The following RALYL variants were observed in gnomAD, a reference collection of about 807,000 sequenced individuals.
RALYL encodes the protein RNA-binding Raly-like protein.
Under a neutral mutation model 35.1 loss-of-function variants are expected in RALYL, and 29 were observed. The ratio of observed to expected loss-of-function variants is 0.83; its 90% CI spans 0.61 to 1.13. RALYL has a LOEUF of 1.13. RALYL is among the 50% of genes most tolerant of loss of function. RALYL has a pLI of 0.00. For missense variants in RALYL, 359 were observed against 360.4 expected (o/e 1.00, Z 0.03); for synonymous variants, 120 against 127.6 (o/e 0.94, Z 0.40).
rs71273918 is a variant in RALYL at position 84,907,310 on chromosome 8, T to TCACA, written c.859-13545_859-13542dup. 7.4e-3 allele frequency among the ~76,000 whole-genome samples: 1,092 copies of TCACA among 148,080 alleles called. 18 individuals carry two copies. Among genetic ancestry groups the TCACA allele is most frequent in the African/African-American group, 0.024 (972 of 39,996 alleles). ...AAATCTGAGAAAATAAGATATAGCG[T>TCACA]CACACACACACACACACACACACAC... On this transcript the variant is annotated intron_variant, in intron 8 of 8. Coordinates refer to ENST00000521268, the MANE Select transcript of RALYL (RefSeq NM_173848.7).
chr8:84,424,515 G>C (rs2046098127), intron 1 of RALYL, among the ~76,000 whole-genome samples: 1 of 150,036 alleles, frequency 6.7e-6, no homozygotes, highest in African/African-American at 2.5e-5. Flanking sequence ...ATAGCTCAGA[G>C]TAATTCGATC....
intron 1 of RALYL, among the ~76,000 whole-genome samples, chr8:84,210,292 G>A (rs1164720860): frequency 2.0e-5 from 3 of 151,762 alleles, no homozygotes; most frequent in African/African-American, 4.8e-5. Flanking sequence ...CCGAGCCTCT[G>A]TATTGACAGC....
intron 1 of RALYL, among the ~76,000 whole-genome samples, chr8:84,502,449 ATTT>A (rs2056782602): frequency 6.6e-6 from 1 of 151,930 alleles, no homozygotes; most frequent in Non-Finnish European, 1.5e-5. Flanking sequence ...AAAAACCAAG[ATTT>A]ATACTTAATT....
At chr8:84,650,957 A>C (rs1828667078) in intron 2 of RALYL, among the ~76,000 whole-genome samples, 2 of 152,108 alleles carry the variant, frequency 1.3e-5, no homozygotes, top group South Asian at 4.1e-4. Context: ...CATTCTCAGT[A>C]AACTATCACA....
At chr8:84,325,193 T>C (rs1845579899) in intron 1 of RALYL, among the ~76,000 whole-genome samples, 2 of 152,320 alleles carry the variant, frequency 1.3e-5, no homozygotes, top group Admixed American at 6.5e-5. Context: ...CAACTTGCTC[T>C]CAGATACTGT....
chr8:84,841,169 T>A (rs939276017), intron 4 of RALYL, among the ~76,000 whole-genome samples: 2 of 152,092 alleles, frequency 1.3e-5, no homozygotes, highest in African/African-American at 4.8e-5. Flanking sequence ...AGACACAGAC[T>A]GGCAAATTGG....
chr8:84,353,901 T>G lies in RALYL; in HGVS notation c.-24+169477T>G, dbSNP rs1851366160. The stretch of plus-strand genomic sequence containing the variant: ...AGCCATTATATAACAAAAGGATCAT[T>G]TTGAGTAAGAGATTTTTGACTTTAA... On this transcript the variant is annotated intron_variant, in intron 1 of 8. Coordinates refer to ENST00000521268, the MANE Select transcript of RALYL (RefSeq NM_173848.7). Among the ~76,000 whole-genome samples the G allele has an allele frequency of 1.3e-5, 2 of 150,058 alleles. 1 individual carries two copies. The highest frequency in any genetic ancestry group is 1.3e-4 in the Admixed American group (2 of 15,126).
intron 1 of RALYL, among the ~76,000 whole-genome samples, chr8:84,265,840 A>AT (rs965417760): frequency 6.6e-6 from 1 of 152,058 alleles, no homozygotes; most frequent in African/African-American, 2.4e-5. Context: ...CAAACCTATA[A>AT]TTTTTTATCA....
At chr8:84,521,952 T>G (rs2058492937) in intron 1 of RALYL, among the ~76,000 whole-genome samples, 1 of 152,182 alleles carries the variant, frequency 6.6e-6, no homozygotes, top group South Asian at 2.1e-4. Context: ...TTAGCTAACA[T>G]TATTTGCTCT....
intron 2 of RALYL, among the ~76,000 whole-genome samples, chr8:84,689,670 T>C (rs1342244983): frequency 6.6e-6 from 1 of 152,124 alleles, no homozygotes; most frequent in Non-Finnish European, 1.5e-5. Context: ...TCCACAAGGG[T>C]TGAACTAGTT....
At position 84,911,096 on chromosome 8, in the gene RALYL, A is replaced by G. The variant is rs1847439897; in HGVS notation, c.859-9798A>G. Among the ~76,000 whole-genome samples the G allele has an allele frequency of 2.6e-5, 4 of 152,116 alleles. No individual in the cohort carries two copies. In the South Asian group the frequency reaches 8.3e-4, roughly 32 times the overall value. ...TTAGCCAAAAAGAATGACGTGAGCA[A>G]GATGGCAGAATAGGAAATCTGAGGC... On this transcript the variant is annotated intron_variant, in intron 8 of 8. Transcript: ENST00000521268.
At chr8:84,205,806 A>G (rs1817928588) in intron 1 of RALYL, among the ~76,000 whole-genome samples, 1 of 152,184 alleles carries the variant, frequency 6.6e-6, no homozygotes, top group Admixed American at 6.5e-5. Context: ...TTCCATAACA[A>G]AGTAGCAGAG....
At chr8:84,246,126 AC>A (rs1563601575) in intron 1 of RALYL, among the ~76,000 whole-genome samples, 1 of 151,996 alleles carries the variant, frequency 6.6e-6, no homozygotes, top group African/African-American at 2.4e-5. Context: ...ACACATGTGT[AC>A]CCCCAAGAGG....
intron 8 of RALYL, among the ~76,000 whole-genome samples, chr8:84,901,700 A>G (rs1218789108): frequency 1.3e-5 from 2 of 152,154 alleles, no homozygotes; most frequent in African/African-American, 4.8e-5. Context: ...TGAAGCCAGC[A>G]TATTTTCCAG....
intron 1 of RALYL, among the ~76,000 whole-genome samples, chr8:84,422,683 T>C (rs1349412098): frequency 7.0e-6 from 1 of 143,866 alleles, no homozygotes; most frequent in Non-Finnish European, 1.5e-5. Flanking sequence ...CTTGTGGGCA[T>C]TTAGTGCTAT....
intron 1 of RALYL, among the ~76,000 whole-genome samples, chr8:84,363,156 A>T (rs971707553): frequency 2.6e-5 from 4 of 152,182 alleles, no homozygotes; most frequent in African/African-American, 9.6e-5. Flanking sequence ...ATGAGGACAA[A>T]CTGGGACTGA....
At chr8:84,786,811 T>C (rs866912451) in intron 3 of RALYL, among the ~76,000 whole-genome samples, 3 of 152,212 alleles carry the variant, frequency 2.0e-5, no homozygotes, top group African/African-American at 7.2e-5. Flanking sequence ...TTGCTTTTGC[T>C]GTGCAGAAAA....
At chr8:84,637,136 T>A (rs79331915) in intron 2 of RALYL, among the ~76,000 whole-genome samples, 1 of 151,942 alleles carries the variant, frequency 6.6e-6, no homozygotes, top group Non-Finnish European at 1.5e-5. Context: ...CAAAATTCTG[T>A]GAGTCCGTGA....
At chr8:84,538,175 G>A (rs60533047) in intron 2 of RALYL, among the ~76,000 whole-genome samples, 57,074 of 151,954 alleles carry the variant, frequency 0.38, 10,796 homozygotes, top group South Asian at 0.51. Flanking sequence ...TAGAAAGCCC[G>A]GGGGATTTGC....
Sources: gnomAD v4.1 joint callset for allele counts (sites outside exome capture counted in the v4.1 genomes callset) on GRCh38, gnomAD v4.1.1 for gene constraint, MANE v1.5 for transcripts, NCBI Gene and HGNC (gene_info 2026-07-23, HGNC 2026-07-21) for gene names.